HKDC1: variants seen among roughly 807,000 people sequenced by gnomAD.
The protein encoded by HKDC1 is hexokinase domain containing 1.
In HKDC1, 66 loss-of-function variants were observed where a neutral mutation model predicts 96.6. The ratio of observed to expected loss-of-function variants is 0.68; its 90% confidence interval spans 0.56 to 0.84. The LOEUF (loss-of-function observed/expected upper bound fraction) is 0.84, where lower values mean the gene tolerates loss of function less well. Ranked by LOEUF, HKDC1 falls within the 40% of genes least tolerant of loss-of-function variation. HKDC1 has a pLI of 0.00. For missense variants in HKDC1, 1,211 were observed against 1,208.1 expected, an observed-to-expected ratio of 1.00 and a Z score of -0.04; for synonymous variants, 466 against 473.1, an observed-to-expected ratio of 0.98 and a Z score of 0.20.
Position 69,232,812 on chromosome 10 carries a change from T to A in HKDC1, c.275T>A (p.Val92Glu), listed in dbSNP as rs777627985. Reference sequence around the variant, plus strand: ...GATCTCGGAGGGTCCAAGTTCCGAGTGCTGAAGGTGCAAGTCGCTGAAGAG... The same window carrying A: ...GATCTCGGAGGGTCCAAGTTCCGAGAGCTGAAGGTGCAAGTCGCTGAAGAG... ...SLDLGGSKFR[V>E]LKVQVAEEGK... The change falls in exon 3 of 18, where the codon GTG becomes GAG. Residue 92 changes from valine (V) to glutamate (E), a missense_variant. Coordinates refer to ENST00000354624, the MANE Select transcript of HKDC1 (RefSeq NM_025130.4). The A allele has an allele frequency of 6.2e-6, 10 of 1,613,756 alleles. No homozygotes were observed. The highest frequency in any genetic ancestry group is 1.6e-4 in the Middle Eastern group (1 of 6,084).
chr10:69,251,724 T>A (rs1431372590), intron 12 of HKDC1, among the ~76,000 whole-genome samples: 2 of 152,084 alleles, frequency 1.3e-5, no homozygotes, highest in African/African-American at 4.8e-5. Context: ...AAGTAATTTG[T>A]GCTTTTTGAT....
intron 10 of HKDC1, 68 bp downstream of exon 10, chr10:69,248,796 T>C: frequency 7.0e-7 from 1 of 1,424,774 alleles, no homozygotes; most frequent in South Asian, 1.5e-5. Context: ...TTAAAGCCAG[T>C]GAGGTTCTTG....
At position 69,265,396 on chromosome 10, in the gene HKDC1, A is replaced by G. The variant is rs192349217; in HGVS notation, c.2373-189A>G. 6.5e-3 allele frequency: 3,942 copies of G among 603,096 alleles called. 34 individuals carry two copies. The highest frequency in any genetic ancestry group is 0.014 in the Middle Eastern group (32 of 2,318). 37.4% of individuals were successfully genotyped at this position (603,096 alleles called of 1,614,324 possible). A position where few individuals can be genotyped will look rare whatever the true frequency, so the allele number is the denominator to read the frequency against. ...ACACTTTATTTTTTAAAGTTGATGG[A>G]ACTTCCAGGGGTGGTGGACCTTCTT... is the stretch of plus-strand genomic sequence containing the variant. On this transcript the variant is annotated intron_variant, in intron 16 of 17. Coordinates refer to ENST00000354624, the MANE Select transcript of HKDC1 (RefSeq NM_025130.4).
Position 69,258,877 on chromosome 10 carries a change from G to A in HKDC1, c.2134G>A (p.Gly712Arg). The change falls in exon 15 of 18, where the codon GGA becomes AGA. Residue 712 changes from glycine (G) to arginine (R), a missense_variant. By Grantham distance (125) the Gly-to-Arg change is moderately radical. Transcript: ENST00000354624. ...CATCAATACAGAGTGGGGAGGATTT[G>A]GAGACAATGGCTGCATAGATGACAT... ...MCINTEWGGFGDNGCIDDIWT... is the reference protein window; with the variant it reads ...MCINTEWGGFRDNGCIDDIWT... 1.2e-6 allele frequency: 2 copies of A among 1,613,014 alleles called. No homozygotes were observed. The highest frequency in any genetic ancestry group is 1.7e-6 in the Non-Finnish European group (2 of 1,179,696).
At chr10:69,227,182 C>A (rs1720724005) in intron 1 of HKDC1, 25 bp from the exon 2 acceptor site, 4 of 1,613,368 alleles carry the variant, frequency 2.5e-6, no homozygotes, top group Non-Finnish European at 3.4e-6. Flanking sequence ...CAGCAGCACC[C>A]CTTGGTGGCC....
intron 4 of HKDC1, among the ~76,000 whole-genome samples, chr10:69,233,538 T>C (rs1291781661): frequency 6.6e-6 from 1 of 152,044 alleles, no homozygotes; most frequent in African/African-American, 2.4e-5. Context: ...CATAGCCAAC[T>C]AGAAGAAACA....
intron 1 of HKDC1, among the ~76,000 whole-genome samples, chr10:69,224,648 G>C (rs543317990): frequency 6.6e-6 from 1 of 152,310 alleles, no homozygotes; most frequent in South Asian, 2.1e-4. Context: ...GGAAATGAAA[G>C]CCCTGGGTCA....
In HKDC1 at chr10:69,267,419, G is replaced by A. The variant is rs1843923535; in HGVS notation, c.*662G>A. On this transcript the variant is annotated 3_prime_UTR_variant, in exon 18 of 18. Transcript: ENST00000354624. ...GTTCCTTATTAAGTGTGTGCCATGT[G>A]GTGGGGTGCTGTCTGGGGCATCTGT... is the stretch of plus-strand genomic sequence containing the variant. The A allele has an allele frequency of 2.2e-6, 1 of 446,660 alleles. No homozygotes were observed. The highest frequency in any genetic ancestry group is 2.0e-5 in the African/African-American group (1 of 49,128). 27.7% of individuals were successfully genotyped at this position (446,660 alleles called of 1,614,324 possible).
In HKDC1 at chr10:69,247,426, T is replaced by G. The variant is rs993321352; in HGVS notation, c.1098T>G (p.Ala366=). The change falls in exon 9 of 18, where the codon GCT becomes GCG. Residue 366 remains alanine (A), a synonymous_variant. Transcript: ENST00000354624. ...LVDLGLEPSE[A]DCIAVQHVCT... is the part of the protein sequence containing the mutation. Reference sequence around the variant, plus strand: ...ACCTGGGTCTGGAACCGTCTGAGGCTGACTGCATTGCCGTCCAGCATGTCT... The same window carrying G: ...ACCTGGGTCTGGAACCGTCTGAGGCGGACTGCATTGCCGTCCAGCATGTCT... 5 of 1,614,046 alleles carry G rather than the reference T, an allele frequency of 3.1e-6. No individual in the cohort carries two copies. Among genetic ancestry groups the G allele is most frequent in the Non-Finnish European group, 4.2e-6 (5 of 1,180,048 alleles).
chr10:69,246,182 G>C lies in HKDC1; in HGVS notation c.979G>C (p.Ala327Pro). The C allele has an allele frequency of 1.2e-6, 2 of 1,614,220 alleles. No individual in the cohort carries two copies. Among genetic ancestry groups the C allele is most frequent in the Non-Finnish European group, 1.7e-6 (2 of 1,180,044 alleles). ...GLLFGGEKSS[A>P]LHTKGKIETR... ...CCTGTTTGGTGGTGAGAAATCTTCT[G>C]CTCTCCACACTAAGGGCAAGATCGA... The change falls in exon 8 of 18, where the codon GCT (alanine) becomes CCT (proline). Residue 327 changes from alanine (A) to proline (P), a missense_variant. Coordinates refer to ENST00000354624, the MANE Select transcript of HKDC1 (RefSeq NM_025130.4).
intron 7 of HKDC1, among the ~76,000 whole-genome samples, chr10:69,244,162 T>C (rs1451866770): frequency 1.3e-5 from 2 of 152,154 alleles, no homozygotes; most frequent in African/African-American, 4.8e-5. Context: ...GCTCAAATTG[T>C]TTCAGATTTG....
At chr10:69,259,396 G>T in intron 15 of HKDC1, among the ~76,000 whole-genome samples, 1 of 152,368 alleles carries the variant, frequency 6.6e-6, no homozygotes, top group South Asian at 2.1e-4. Flanking sequence ...CGACCATGAT[G>T]TCATGTCCCA....
rs138687744 is a variant in HKDC1 at position 69,260,102 on chromosome 10, G to A, written c.2217-1037G>A. ...AGTGTCTTAATATAGAAAATAATGG[G>A]AAACATAGATTTATTGTTATGGGTG... On this transcript the variant is annotated intron_variant, in intron 15 of 17. Coordinates refer to ENST00000354624, the MANE Select transcript of HKDC1 (RefSeq NM_025130.4). Among the ~76,000 whole-genome samples the A allele has an allele frequency of 5.4e-4, 83 of 152,304 alleles. 1 individual carries two copies. Among genetic ancestry groups the A allele is most frequent in the African/African-American group, 1.9e-3 (81 of 41,572 alleles).
At chr10:69,225,058 T>C (rs756261928) in intron 1 of HKDC1, among the ~76,000 whole-genome samples, 1 of 152,182 alleles carries the variant, frequency 6.6e-6, no homozygotes, top group Non-Finnish European at 1.5e-5. Flanking sequence ...TGTTGCTGAG[T>C]TGACATTCTT....
In HKDC1 at chr10:69,232,908, C is replaced by G. The variant is rs874556; in HGVS notation, c.371C>G (p.Thr124Arg). Residue 124 changes from threonine to arginine, a missense_variant, in exon 3 of 18, where the codon ACA becomes AGA. Physicochemically the swap from Thr to Arg is moderately conservative, Grantham distance 71. Coordinates refer to ENST00000354624, the MANE Select transcript of HKDC1 (RefSeq NM_025130.4). ...TPNEIIRGNGTELFEYVADCL... is the reference protein window; with the variant it reads ...TPNEIIRGNGRELFEYVADCL... ...AATGAAATCATCCGCGGGAACGGCA[C>G]AGAGGTACCTGGCAGGTGGCTCCTG... The G allele has an allele frequency of 1.2e-6, 2 of 1,612,070 alleles. No homozygotes were observed. The highest frequency in any genetic ancestry group is 4.5e-5 in the East Asian group (2 of 44,888).
intron 7 of HKDC1, among the ~76,000 whole-genome samples, chr10:69,245,290 A>G (rs996072386): frequency 6.6e-6 from 1 of 152,146 alleles, no homozygotes; most frequent in African/African-American, 2.4e-5. Flanking sequence ...TTGGAAAATA[A>G]GCATTATATT....
At chr10:69,230,913 C>A (rs995522197) in intron 2 of HKDC1, among the ~76,000 whole-genome samples, 5 of 152,200 alleles carry the variant, frequency 3.3e-5, no homozygotes, top group Non-Finnish European at 7.3e-5. Context: ...AGCCACCGTG[C>A]CTGGCCGGGG....
chr10:69,220,559 C>G, intron 1 of HKDC1, 61 bp downstream of exon 1: 2 of 1,242,664 alleles, frequency 1.6e-6, no homozygotes, highest in Non-Finnish European at 2.2e-6. Context: ...AAAACTGATT[C>G]CCTTAAAAAA....
At chr10:69,234,838 T>G (rs192993327) in intron 4 of HKDC1, among the ~76,000 whole-genome samples, 68 of 152,398 alleles carry the variant, frequency 4.5e-4, no homozygotes, top group Middle Eastern at 3.4e-3. Flanking sequence ...TTGATAACTA[T>G]CTCACAGTTG....
Sources: allele counts gnomAD v4.1 joint callset (sites outside exome capture counted in the v4.1 genomes callset), GRCh38; gene constraint gnomAD v4.1.1; transcripts MANE v1.5; gene names NCBI Gene and HGNC (gene_info 2026-07-23, HGNC 2026-07-21).